Variants in ATP8B4 observed in about 807,000 individuals in gnomAD.
ATP8B4 encodes the protein ATPase phospholipid transporting 8B4 (putative), also known as probable phospholipid-transporting ATPase IM.
Under a neutral mutation model 145.6 loss-of-function variants are expected in ATP8B4, and 133 were observed. The observed-to-expected ratio is 0.91, with a 90% CI of 0.79 to 1.05. The LOEUF (loss-of-function observed/expected upper bound fraction) is 1.05. Among genes scored for constraint, ATP8B4 ranks in the 50% least tolerant of loss-of-function variants. ATP8B4 has a pLI of 0.00. For missense variants in ATP8B4, 1,458 were observed against 1,425.2 expected (o/e 1.02, Z -0.37); for synonymous variants, 507 against 492.9 (o/e 1.03, Z -0.38).
intron 2 of ATP8B4, among the ~76,000 whole-genome samples, chr15:50,106,355 G>A (rs1408082237): frequency 6.6e-6 from 1 of 152,110 alleles, no homozygotes; most frequent in Non-Finnish European, 1.5e-5. Context: ...CTATATTAAA[G>A]AAATTGGATT....
chr15:49,906,140 T>C (rs73396968), intron 20 of ATP8B4, among the ~76,000 whole-genome samples: 3,536 of 152,302 alleles, frequency 0.023, 147 homozygotes, highest in African/African-American at 0.082. Flanking sequence ...TATCATAGCA[T>C]TTAACAAAAT....
chr15:49,947,834 G>T (rs2042712959), intron 14 of ATP8B4, among the ~76,000 whole-genome samples: 1 of 152,006 alleles, frequency 6.6e-6, no homozygotes, highest in African/African-American at 2.4e-5. Context: ...ATAAACAGAT[G>T]AATGAATTTC....
In ATP8B4 at chr15:50,033,073, G is replaced by C. The variant is rs57389607; in HGVS notation, c.362+5695C>G. ...CTATTGAAAGAGTATATTTGTTCAG[G>C]TAATTATGCAGCATCTAGAAACACC... is the stretch of plus-strand genomic sequence containing the variant. On this transcript the variant is annotated intron_variant, in intron 6 of 27. Transcript: ENST00000284509. 1.3e-3 allele frequency among the ~76,000 whole-genome samples: 202 copies of C among 152,276 alleles called. 1 individual carries two copies. The highest frequency in any genetic ancestry group is 4.6e-3 in the African/African-American group (192 of 41,556).
chr15:50,103,085 A>T (rs1287759479), intron 2 of ATP8B4, among the ~76,000 whole-genome samples: 1 of 152,034 alleles, frequency 6.6e-6, no homozygotes, highest in Non-Finnish European at 1.5e-5. Context: ...GCATAGAAAG[A>T]GCACACCTTA....
Position 49,917,181 on chromosome 15 carries a change from A to G in ATP8B4, c.2036-142T>C, listed in dbSNP as rs560768626. On this transcript the variant is annotated intron_variant, in intron 19 of 27. Coordinates refer to ENST00000284509, the MANE Select transcript of ATP8B4 (RefSeq NM_024837.4). ...CAGAGAGAGCACAACAGGTGATAAA[A>G]TACAAGCAGTGCAGAGGGAAATTCA... The G allele has an allele frequency of 2.1e-4, 146 of 704,366 alleles. No homozygotes were observed. The African/African-American group carries it at 2.4e-3, about 12-fold the overall frequency. The allele number at this position is 704,366 out of a possible 1,614,324, so 43.6% of individuals were successfully genotyped here.
At chr15:49,892,039 C>A (rs1191900085) in intron 23 of ATP8B4, among the ~76,000 whole-genome samples, 1 of 151,170 alleles carries the variant, frequency 6.6e-6, no homozygotes, top group East Asian at 1.9e-4. Flanking sequence ...TCGTGTGAAC[C>A]TGGGAGGTGG....
In ATP8B4 at chr15:49,918,943, C is replaced by T. The variant is rs201587457; in HGVS notation, c.1931G>A (p.Gly644Asp). 97 of 1,607,766 alleles carry T rather than the reference C, an allele frequency of 6.0e-5. No homozygotes were observed. Among genetic ancestry groups the T allele is most frequent in the Non-Finnish European group, 7.6e-5 (89 of 1,176,152 alleles). The change falls in exon 19 of 28, where the codon GGT becomes GAT. Residue 644 changes from glycine to aspartate, a missense_variant. Physicochemically the swap from Gly to Asp is moderately conservative, Grantham distance 94. Transcript: ENST00000284509. Reference sequence around the variant, plus strand: ...TAACTTATCTTCTACAGCAGTGGCACCTAGTAGCTTTATTGAAAAAGAGAG... The same window carrying T: ...TAACTTATCTTCTACAGCAGTGGCATCTAGTAGCTTTATTGAAAAAGAGAG... ...EEIERDLMLL[G>D]ATAVEDKLQE...
intron 3 of ATP8B4, among the ~76,000 whole-genome samples, chr15:50,059,662 A>G (rs2052862474): frequency 6.6e-6 from 1 of 151,902 alleles, no homozygotes; most frequent in African/African-American, 2.4e-5. Flanking sequence ...TTCCCGATTC[A>G]CTCCATCTGG....
intron 14 of ATP8B4, among the ~76,000 whole-genome samples, chr15:49,952,382 T>G (rs1030550046): frequency 4.6e-5 from 7 of 152,188 alleles, no homozygotes; most frequent in Non-Finnish European, 8.8e-5. Context: ...TCTTGGAGCT[T>G]TGTTCCTTAC....
chr15:49,981,371 T>C, intron 10 of ATP8B4, 77 bp from the exon 11 acceptor site: 1 of 1,102,290 alleles, frequency 9.1e-7, no homozygotes, highest in Non-Finnish European at 1.3e-6. Context: ...ATCAAATGTC[T>C]CTGAAAGAAA....
intron 3 of ATP8B4, among the ~76,000 whole-genome samples, chr15:50,069,773 T>C (rs2053608787): frequency 6.6e-6 from 1 of 152,154 alleles, no homozygotes; most frequent in Admixed American, 6.6e-5. Flanking sequence ...AAAATATAGG[T>C]TTTAGAATCT....
chr15:50,172,529 A>G (rs1186937093), intron 1 of ATP8B4, among the ~76,000 whole-genome samples: 1 of 152,124 alleles, frequency 6.6e-6, no homozygotes, highest in Non-Finnish European at 1.5e-5. Context: ...TTGGCCTCCC[A>G]AGGTGCTGAG....
chr15:49,986,981 T>C (rs2153542061), intron 10 of ATP8B4, among the ~76,000 whole-genome samples: 1 of 150,530 alleles, frequency 6.6e-6, no homozygotes, highest in Non-Finnish European at 1.5e-5. Flanking sequence ...CTTTTCCAAA[T>C]GGTCTGCTTG....
intron 6 of ATP8B4, among the ~76,000 whole-genome samples, chr15:50,034,964 C>G (rs929251463): frequency 6.6e-6 from 1 of 152,192 alleles, no homozygotes; most frequent in African/African-American, 2.4e-5. Context: ...ATGTGCACTT[C>G]TTGTGCAGCA....
chr15:49,968,220 A>C (rs1479996487), intron 13 of ATP8B4, among the ~76,000 whole-genome samples: 1 of 152,220 alleles, frequency 6.6e-6, no homozygotes. Context: ...GCATCAACTA[A>C]TGGGCAAAAT....
intron 10 of ATP8B4, among the ~76,000 whole-genome samples, chr15:49,981,672 T>C (rs1279128151): frequency 6.6e-6 from 1 of 152,106 alleles, no homozygotes; most frequent in African/African-American, 2.4e-5. Context: ...ACAAACACAA[T>C]TCAGAACACT....
At chr15:50,081,837 G>T (rs1363244950) in intron 2 of ATP8B4, among the ~76,000 whole-genome samples, 4 of 152,162 alleles carry the variant, frequency 2.6e-5, no homozygotes, top group Admixed American at 6.5e-5. Context: ...ACCAAATGTG[G>T]TTTAGAAAAC....
chr15:50,073,009 TATATATATATAC>T (rs1355529612), intron 3 of ATP8B4, among the ~76,000 whole-genome samples: 875 of 50,554 alleles, frequency 0.017, 42 homozygotes, highest in Non-Finnish European at 0.021. Flanking sequence ...TATATATATA[TATATATATATAC>T]ACACACACAC....
chr15:50,114,695 G>A (rs148454213), intron 1 of ATP8B4, among the ~76,000 whole-genome samples: 33 of 152,324 alleles, frequency 2.2e-4, no homozygotes, highest in African/African-American at 7.7e-4. Context: ...GACAATCAGA[G>A]TAACTCATAG....
Sources: allele counts gnomAD v4.1 joint callset (sites outside exome capture counted in the v4.1 genomes callset), GRCh38; gene constraint gnomAD v4.1.1; transcripts MANE v1.5; gene names NCBI Gene and HGNC (gene_info 2026-07-23, HGNC 2026-07-21).